Variants in EVC2 observed in about 807,000 individuals in gnomAD.
EVC2 encodes the protein EvC ciliary complex subunit 2.
In EVC2, 148 loss-of-function variants were observed where a neutral mutation model predicts 149.3. That is an observed-to-expected ratio of 0.99 (90% CI 0.87 to 1.14). EVC2 has a LOEUF of 1.14. EVC2 is among the 50% of genes most tolerant of loss of function. EVC2 has a pLI of 0.00. For synonymous variants in EVC2, 776 were observed against 649.9 expected (o/e 1.19, Z -2.95); for missense variants, 1,854 against 1,627.3 (o/e 1.14, Z -2.40).
rs1003816966 is a variant in EVC2 at position 5,689,266 on chromosome 4, G to A, written c.597C>T (p.Asn199=). 2 of 1,614,226 alleles carry A rather than the reference G, an allele frequency of 1.2e-6. No individual in the cohort carries two copies. The highest frequency in any genetic ancestry group is 2.2e-5 in the East Asian group (1 of 44,882). Residue 199 remains asparagine (N), a synonymous_variant, in exon 5 of 22, where the codon AAC becomes AAT. Transcript: ENST00000344408. ...VNNTKTTSSA[N]LSELLLLDSI... ...TGTCCAGCAAGAGCAGCTCCGAGAG[G>A]TTGGCTGACGAGGTTGTCTTGGTGT...
Position 5,544,048 on chromosome 4 carries a change from G to A in EVC2, c.3420-836C>T, listed in dbSNP as rs534444448. On this transcript the variant is annotated intron_variant and NMD_transcript_variant, in intron 21 of 22. Transcript: ENST00000475313. Reference sequence around the variant, plus strand: ...ATTGTGCACCTCCAGGTGCTCACGCGGTGGAACTGGGCACCAGACACCCAC... The same window carrying A: ...ATTGTGCACCTCCAGGTGCTCACGCAGTGGAACTGGGCACCAGACACCCAC... Among the ~76,000 whole-genome samples the A allele has an allele frequency of 1.6e-4, 24 of 152,188 alleles. No homozygotes were observed. The East Asian group carries it at 1.9e-3, about 12-fold the overall frequency.
Position 5,652,830 on chromosome 4 carries a change from C to A in EVC2, c.1145+10277G>T, listed in dbSNP as rs73065618. 3.0e-3 allele frequency among the ~76,000 whole-genome samples: 453 copies of A among 152,278 alleles called. 2 individuals carry two copies. The highest frequency in any genetic ancestry group is 0.01 in the African/African-American group (433 of 41,550). On this transcript the variant is annotated intron_variant, in intron 9 of 21. Coordinates refer to ENST00000344408, the MANE Select transcript of EVC2 (RefSeq NM_147127.5). ...CAGCTCCCCAGGCCTGCTCTCAGGTCCTGGTTCAGAAGGTGTGGCTTAGGG... is the reference window on the plus strand; with the variant it reads ...CAGCTCCCCAGGCCTGCTCTCAGGTACTGGTTCAGAAGGTGTGGCTTAGGG...
intron 10 of EVC2, among the ~76,000 whole-genome samples, chr4:5,632,460 C>A (rs1354445557): frequency 6.6e-6 from 1 of 152,156 alleles, no homozygotes; most frequent in Non-Finnish European, 1.5e-5. Flanking sequence ...TAAATGTTTT[C>A]TAGAATAATC....
intron 7 of EVC2, among the ~76,000 whole-genome samples, chr4:5,678,372 C>A (rs1720130772): frequency 6.6e-6 from 1 of 152,156 alleles, no homozygotes; most frequent in South Asian, 2.1e-4. Flanking sequence ...ATGAAGCATC[C>A]CCTCTGTGAC....
intron 21 of EVC2, among the ~76,000 whole-genome samples, chr4:5,544,542 C>T (rs1376864735): frequency 6.6e-6 from 1 of 152,128 alleles, no homozygotes; most frequent in African/African-American, 2.4e-5. Context: ...AGAGTGACTC[C>T]GTGGGAAGCC....
intron 1 of EVC2, among the ~76,000 whole-genome samples, chr4:5,701,598 C>A (rs941027446): frequency 6.6e-6 from 1 of 152,184 alleles, no homozygotes; most frequent in Non-Finnish European, 1.5e-5. Flanking sequence ...TCGAGAGTTC[C>A]TCCTGAGGTG....
intron 21 of EVC2, among the ~76,000 whole-genome samples, chr4:5,547,904 T>C (rs981064393): frequency 6.6e-6 from 1 of 152,196 alleles, no homozygotes; most frequent in Non-Finnish European, 1.5e-5. Context: ...GACTTCCTCT[T>C]TGGGGCCCAG....
At chr4:5,660,871 G>A (rs961708937) in intron 9 of EVC2, among the ~76,000 whole-genome samples, 5 of 152,142 alleles carry the variant, frequency 3.3e-5, no homozygotes, top group African/African-American at 1.2e-4. Flanking sequence ...ATCACTGTGG[G>A]TAAACCTCTC....
rs562783905 is a variant in EVC2 at position 5,569,484 on chromosome 4, A to C, written c.3361-844T>G. ...TAGCTTTGTAACTTCTTGTGAATCTAAAATAACTTCAAAATTAAAAATTTT... is the reference window on the plus strand; with the variant it reads ...TAGCTTTGTAACTTCTTGTGAATCTCAAATAACTTCAAAATTAAAAATTTT... On this transcript the variant is annotated intron_variant, in intron 19 of 21. Coordinates refer to ENST00000344408, the MANE Select transcript of EVC2 (RefSeq NM_147127.5). This position sits in a 1 kb window ranked among gnomAD's most constrained non-coding sequence, Gnocchi z 4.8. 6.6e-6 allele frequency among the ~76,000 whole-genome samples: 1 copy of C among 152,308 alleles called. No homozygotes were observed. Among genetic ancestry groups the C allele is most frequent in the Admixed American group, 6.5e-5 (1 of 15,310 alleles).
At position 5,614,222 on chromosome 4, in the gene EVC2, C is replaced by T. The variant is rs1357812002; in HGVS notation, c.2829+1200G>A. On this transcript the variant is annotated intron_variant, in intron 16 of 21. Transcript: ENST00000344408. This position sits in a 1 kb window ranked among gnomAD's most constrained non-coding sequence, Gnocchi z 4.7. ...CCACCCTGCTGCCAGCCTACTTCAC[C>T]TGTAAGGTCACATTATCTAATTTCT... Among the ~76,000 whole-genome samples the T allele has an allele frequency of 1.3e-5, 2 of 152,168 alleles. No individual in the cohort carries two copies. Among genetic ancestry groups the T allele is most frequent in the Non-Finnish European group, 2.9e-5 (2 of 68,036 alleles).
chr4:5,631,353 A>G (rs1372249628), intron 11 of EVC2, among the ~76,000 whole-genome samples: 2 of 152,140 alleles, frequency 1.3e-5, no homozygotes, highest in Non-Finnish European at 2.9e-5. Context: ...TTGGCCTCCT[A>G]AAGTGCTGGG....
At chr4:5,671,168 G>GA (rs201630717) in intron 7 of EVC2, among the ~76,000 whole-genome samples, 2 of 140,602 alleles carry the variant, frequency 1.4e-5, no homozygotes, top group African/African-American at 5.7e-5. Flanking sequence ...TGTCATTGTA[G>GA]AAAAAAGTTT....
intron 9 of EVC2, among the ~76,000 whole-genome samples, chr4:5,656,346 C>T (rs1418422263): frequency 2.6e-5 from 4 of 152,170 alleles, no homozygotes; most frequent in Non-Finnish European, 4.4e-5. Flanking sequence ...CACTTCTTCT[C>T]GAGGTCCCTC....
At chr4:5,616,479 A>G (rs10025857) in intron 15 of EVC2, among the ~76,000 whole-genome samples, 18,076 of 152,210 alleles carry the variant, frequency 0.12, 2,166 homozygotes, top group African/African-American at 0.31. Flanking sequence ...TATGTGGTGA[A>G]GAAATGCAGG....
In EVC2 at chr4:5,637,260, C is replaced by G. The variant is rs1716947753; in HGVS notation, c.1470+3254G>C. Among the ~76,000 whole-genome samples the G allele has an allele frequency of 6.6e-6, 1 of 152,178 alleles. No individual in the cohort carries two copies. Among genetic ancestry groups the G allele is most frequent in the Non-Finnish European group, 1.5e-5 (1 of 68,036 alleles). The stretch of plus-strand genomic sequence containing the variant: ...TTCTAGGTGCCCCACAGGACGGGTT[C>G]ACATGGGGCGCACAGCAGGGGGACG... On this transcript the variant is annotated intron_variant, in intron 10 of 21. Transcript: ENST00000344408. The surrounding 1 kb of genome is among the most constrained non-coding windows in gnomAD (Gnocchi z 4.4).
At chr4:5,533,957 G>A in the EVC2 span, among the ~76,000 whole-genome samples, 3 of 152,336 alleles carry the variant, frequency 2.0e-5, no homozygotes, top group African/African-American at 4.8e-5. Context: ...GCAGAATTGC[G>A]ATGAGCAAGG....
In EVC2 at chr4:5,670,495, ACCACCATCACCATCG is replaced by A. The variant is rs1719575928; in HGVS notation, c.871-4861_871-4847del. 1.3e-5 allele frequency among the ~76,000 whole-genome samples: 2 copies of A among 151,968 alleles called. No homozygotes were observed. On this transcript the variant is annotated intron_variant, in intron 7 of 21. Coordinates refer to ENST00000344408, the MANE Select transcript of EVC2 (RefSeq NM_147127.5). The surrounding 1 kb of genome is among the most constrained non-coding windows in gnomAD (Gnocchi z 5.2). The stretch of plus-strand genomic sequence containing the variant: ...CATCACCATCCCCACCATCACCATC[ACCACCATCACCATCG>A]CCACCACGATTATCAACATCATCAA...
At chr4:5,563,487 C>A (rs1722079810) in intron 21 of EVC2, among the ~76,000 whole-genome samples, 1 of 152,192 alleles carries the variant, frequency 6.6e-6, no homozygotes, top group African/African-American at 2.4e-5. Context: ...ACTGGGACGA[C>A]AGGCGCGTGC....
chr4:5,559,823 TC>T (rs1721905941), downstream of EVC2, among the ~76,000 whole-genome samples: 1 of 152,114 alleles, frequency 6.6e-6, no homozygotes, highest in Non-Finnish European at 1.5e-5. This position sits in a 1 kb window ranked among gnomAD's most constrained non-coding sequence, Gnocchi z 5.0. Flanking sequence ...AGAGATCATC[TC>T]CCATGCAGAA....
Sources: gnomAD v4.1 joint callset for allele counts (sites outside exome capture counted in the v4.1 genomes callset) on GRCh38, gnomAD v4.1.1 for gene constraint, Gnocchi (gnomAD v3.1) non-coding constraint, MANE v1.5 for transcripts, NCBI Gene and HGNC (gene_info 2026-07-23, HGNC 2026-07-21) for gene names.